The following CDV3 variants were observed in gnomAD, a reference collection of about 807,000 sequenced individuals.
CDV3 encodes CDV3 homolog.
CDV3 carries 14 observed loss-of-function variants against 24.5 expected under a neutral mutation model. The ratio of observed to expected loss-of-function variants is 0.57; its 90% CI spans 0.38 to 0.89. The LOEUF (loss-of-function observed/expected upper bound fraction) is 0.89. CDV3 is among the 40% of genes least tolerant of loss of function. The pLI is 0.00. For synonymous variants in CDV3, 114 were observed against 114.1 expected (o/e 1.00, Z 0.00); for missense variants, 304 against 310.2 (o/e 0.98, Z 0.15).
intron 2 of CDV3, among the ~76,000 whole-genome samples, chr3:133,576,166 C>A (rs576572207): frequency 6.6e-6 from 1 of 152,236 alleles, no homozygotes; most frequent in South Asian, 2.1e-4. Context: ...TAATGTCCTA[C>A]TGTGAAAACA....
At chr3:133,586,097 TC>T (rs1933572525) in intron 3 of CDV3, among the ~76,000 whole-genome samples, 2 of 151,140 alleles carry the variant, frequency 1.3e-5, no homozygotes, top group African/African-American at 4.8e-5. Context: ...TTTTCACTTT[TC>T]TTTTTTCTTT....
chr3:133,587,225 AG>A, intron 4 of CDV3: 1 of 1,310,384 alleles, frequency 7.6e-7, no homozygotes, highest in Admixed American at 3.5e-5. Context: ...ATCTTACTTT[AG>A]GGACATGAAT....
At chr3:133,582,795 T>C (rs576446183) in intron 2 of CDV3, among the ~76,000 whole-genome samples, 9 of 152,250 alleles carry the variant, frequency 5.9e-5, no homozygotes, top group Admixed American at 1.3e-4. Flanking sequence ...GAAAAATAAT[T>C]TTATGAAAAT....
rs567696302 is a variant in CDV3, at chr3:133,589,974, T to C, written c.*1928T>C. Reference sequence around the variant, plus strand: ...TGCATTTTTTCCCAACAAAATTTTGTTGGGGGTTATGTTACTGAAGAATGA... The same window carrying C: ...TGCATTTTTTCCCAACAAAATTTTGCTGGGGGTTATGTTACTGAAGAATGA... On this transcript the variant is annotated 3_prime_UTR_variant, in exon 5 of 5. Transcript: ENST00000264993. 1.3e-5 allele frequency: 2 copies of C among 152,338 alleles called. No homozygotes were observed. Among genetic ancestry groups the C allele is most frequent in the East Asian group, 3.9e-4 (2 of 5,192 alleles). 9.4% of individuals were successfully genotyped at this position (152,338 alleles called of 1,614,324 possible). A position where few individuals can be genotyped will look rare whatever the true frequency, so the allele number is the denominator to read the frequency against.
intron 2 of CDV3, among the ~76,000 whole-genome samples, chr3:133,579,269 T>G (rs2074929221): frequency 6.6e-6 from 1 of 152,216 alleles, no homozygotes; most frequent in African/African-American, 2.4e-5. Flanking sequence ...TTACACATAT[T>G]TAAGACCGTA....
At chr3:133,574,844 A>G in intron 1 of CDV3, 195 bp from the exon 2 acceptor site, 1 of 723,816 alleles carries the variant, frequency 1.4e-6, no homozygotes, top group South Asian at 2.8e-5. Context: ...CAGCGGAAGT[A>G]TAGTGTTAGC....
intron 2 of CDV3, among the ~76,000 whole-genome samples, chr3:133,580,275 C>G (rs1049392410): frequency 6.6e-6 from 1 of 152,184 alleles, no homozygotes; most frequent in African/African-American, 2.4e-5. Flanking sequence ...CCAGCTTTAT[C>G]CATGTCCCTG....
chr3:133,578,442 G>A (rs1018326497), intron 2 of CDV3, among the ~76,000 whole-genome samples: 6 of 152,178 alleles, frequency 3.9e-5, no homozygotes, highest in African/African-American at 1.2e-4. Flanking sequence ...AGGTAGAGCT[G>A]GTTACATTAT....
rs2074711561 is a variant in CDV3 at position 133,574,219 on chromosome 3, G to T, written c.175G>T (p.Gly59Cys). 1.0e-6 allele frequency: 1 copy of T among 1,003,974 alleles called. No individual in the cohort carries two copies. The highest frequency in any genetic ancestry group is 1.2e-6 in the Non-Finnish European group (1 of 844,872). The allele number at this position is 1,003,974 out of a possible 1,614,324, so 62.2% of individuals were successfully genotyped here. ...GGGAGAGTRP[G>C]DGGTASAGAA... ...CGGGGCGGGCGCGGGGACCCGGCCG[G>T]GTGACGGCGGGACCGCCAGCGCGGG... is the stretch of plus-strand genomic sequence containing the variant. The change falls in exon 1 of 5, where the codon GGT becomes TGT. Residue 59 changes from glycine to cysteine, a missense_variant. Physicochemically the swap from Gly to Cys is radical, Grantham distance 159. Coordinates refer to ENST00000264993, the MANE Select transcript of CDV3 (RefSeq NM_017548.5).
At chr3:133,580,818 G>C (rs1453919157) in intron 2 of CDV3, among the ~76,000 whole-genome samples, 3 of 152,288 alleles carry the variant, frequency 2.0e-5, no homozygotes, top group Non-Finnish European at 4.4e-5. Flanking sequence ...TGGGATTAGG[G>C]CATGAGCCAC....
intron 2 of CDV3, among the ~76,000 whole-genome samples, chr3:133,583,532 C>G (rs1382744138): frequency 6.6e-6 from 1 of 152,080 alleles, no homozygotes; most frequent in African/African-American, 2.4e-5. Context: ...TATAAATGAT[C>G]AGGCATATTG....
chr3:133,586,758 T>C (rs1006497154), intron 4 of CDV3, 36 bp downstream of exon 4: 15 of 1,397,142 alleles, frequency 1.1e-5, no homozygotes, highest in Non-Finnish European at 1.5e-5. Flanking sequence ...TGTTTGGGAC[T>C]TCTGTTCCTA....
At chr3:133,574,771 C>A (rs771745798) in intron 1 of CDV3, 2 of 1,106,710 alleles carry the variant, frequency 1.8e-6, no homozygotes, top group South Asian at 6.3e-5. Flanking sequence ...TTGTGAAATT[C>A]CTATTGACTT....
intron 4 of CDV3, chr3:133,587,165 C>T (rs1035278556): frequency 2.3e-6 from 3 of 1,329,108 alleles, no homozygotes; most frequent in Non-Finnish European, 3.0e-6. Context: ...TCAGCAGGTA[C>T]TTAAAATGAA....
At chr3:133,584,743 A>G (rs1267104911) in intron 3 of CDV3, among the ~76,000 whole-genome samples, 1 of 152,130 alleles carries the variant, frequency 6.6e-6, no homozygotes, top group East Asian at 1.9e-4. Context: ...GGCCAATTTT[A>G]TCATTCTCAA....
intron 3 of CDV3, among the ~76,000 whole-genome samples, chr3:133,584,974 T>G (rs1445104951): frequency 1.3e-5 from 2 of 152,230 alleles, no homozygotes; most frequent in Admixed American, 1.3e-4. Flanking sequence ...ACTCATTATT[T>G]TATTTAGAAT....
In CDV3 at chr3:133,589,537, C is replaced by T. The variant is rs1933920794; in HGVS notation, c.*1491C>T. 6.6e-6 allele frequency: 1 copy of T among 152,648 alleles called. No individual in the cohort carries two copies. The highest frequency in any genetic ancestry group is 2.4e-5 in the African/African-American group (1 of 41,466). The allele number at this position is 152,648 out of a possible 1,614,324, so 9.5% of individuals were successfully genotyped here. On this transcript the variant is annotated 3_prime_UTR_variant, in exon 5 of 5. Coordinates refer to ENST00000264993, the MANE Select transcript of CDV3 (RefSeq NM_017548.5). ...TAGAAATATGTGAAAGTGGTAATGT[C>T]ATCATTTGATGCAGAGTCCGGGTTT...
chr3:133,588,167 A>AC lies in CDV3; in HGVS notation c.*123dup. Reference sequence around the variant, plus strand: ...CCGATGCAGACCACTCGATTTCATGACCGGCCCTATTGCACTATGGAAGTT... The same window carrying AC: ...CCGATGCAGACCACTCGATTTCATGACCCGGCCCTATTGCACTATGGAAGTT... On this transcript the variant is annotated 3_prime_UTR_variant, in exon 5 of 5. Coordinates refer to ENST00000264993, the MANE Select transcript of CDV3 (RefSeq NM_017548.5). 6.5e-7 allele frequency: 1 copy of AC among 1,544,604 alleles called. No individual in the cohort carries two copies. The highest frequency in any genetic ancestry group is 1.3e-5 in the South Asian group (1 of 79,096).
rs376860672 is a variant in CDV3, at chr3:133,577,635, C to G, written c.317+2520C>G. ...TCGGCCTTCCAAAGTGCTGGGATCACAGGCATGAGCCTCTGAGCCCAGCCA... is the reference window on the plus strand; with the variant it reads ...TCGGCCTTCCAAAGTGCTGGGATCAGAGGCATGAGCCTCTGAGCCCAGCCA... On this transcript the variant is annotated intron_variant, in intron 2 of 4. Coordinates refer to ENST00000264993, the MANE Select transcript of CDV3 (RefSeq NM_017548.5). 4.7e-4 allele frequency among the ~76,000 whole-genome samples: 71 copies of G among 152,360 alleles called. 2 individuals are homozygous for G. In the South Asian group the frequency reaches 0.015, roughly 32 times the overall value.
Sources: gnomAD v4.1 joint callset for allele counts (sites outside exome capture counted in the v4.1 genomes callset) on GRCh38, gnomAD v4.1.1 for gene constraint, MANE v1.5 for transcripts, NCBI Gene and HGNC (gene_info 2026-07-23, HGNC 2026-07-21) for gene names.